The following ADGRB3 variants were observed in gnomAD, a reference collection of about 807,000 sequenced individuals.
ADGRB3 encodes the protein brain-specific angiogenesis inhibitor 3.
A neutral mutation model predicts 193.4 loss-of-function variants in ADGRB3; 37 were observed. The observed-to-expected ratio is 0.19, with a 90% confidence interval of 0.15 to 0.25. The LOEUF (loss-of-function observed/expected upper bound fraction) is 0.25. ADGRB3 is among the 10% of genes least tolerant of loss of function. The pLI, the probability that ADGRB3 is intolerant of heterozygous loss-of-function variation, is 1.00. For missense variants in ADGRB3, 1,637 were observed against 1,852.9 expected (o/e 0.88, Z 2.14); for synonymous variants, 690 against 644.2 (o/e 1.07, Z -1.08).
chr6:69,066,447 A>G lies in ADGRB3; in HGVS notation c.2436+3411A>G, dbSNP rs565029449. Among the ~76,000 whole-genome samples, 3 of 152,110 alleles carry G rather than the reference A, an allele frequency of 2.0e-5. No homozygotes were observed. In the South Asian group the frequency reaches 6.2e-4, roughly 32 times the overall value. On this transcript the variant is annotated intron_variant, in intron 16 of 31. Coordinates refer to ENST00000370598, the MANE Select transcript of ADGRB3 (RefSeq NM_001704.3). ...GAGTTAACAGGAAAAGCCTGTTAAC[A>G]TTTTCTTTTAAAAATGTGTCTCAGA...
chr6:69,169,397 C>T (rs1775215117), intron 17 of ADGRB3, among the ~76,000 whole-genome samples: 1 of 151,438 alleles, frequency 6.6e-6, no homozygotes, highest in South Asian at 2.1e-4. Context: ...TTAAATTTGT[C>T]TTACAGTGCT....
At chr6:69,038,693 C>T (rs1264601409) in intron 13 of ADGRB3, among the ~76,000 whole-genome samples, 2 of 152,164 alleles carry the variant, frequency 1.3e-5, no homozygotes, top group Admixed American at 6.5e-5. Flanking sequence ...AATCACCTTA[C>T]ATTTCCCCAT....
intron 8 of ADGRB3, among the ~76,000 whole-genome samples, chr6:68,972,179 G>A (rs1288066017): frequency 6.6e-6 from 1 of 152,140 alleles, no homozygotes; most frequent in African/African-American, 2.4e-5. Context: ...CCTACCTAGT[G>A]GCTGCCCCTA....
Position 69,046,647 on chromosome 6 carries a change from C to G in ADGRB3, c.2108-1538C>G, listed in dbSNP as rs139059007. Among the ~76,000 whole-genome samples, 23 of 152,144 alleles carry G rather than the reference C, an allele frequency of 1.5e-4. No homozygotes were observed. In the East Asian group the frequency reaches 2.9e-3, roughly 19 times the overall value. On this transcript the variant is annotated intron_variant, in intron 13 of 31. Transcript: ENST00000370598. ...TATTAGAGGATAAATGAAATACCATCCTATGCTGATAATGGAATGACTAAT... is the reference window on the plus strand; with the variant it reads ...TATTAGAGGATAAATGAAATACCATGCTATGCTGATAATGGAATGACTAAT...
At chr6:69,248,505 G>A (rs1766545982) in intron 20 of ADGRB3, among the ~76,000 whole-genome samples, 1 of 152,192 alleles carries the variant, frequency 6.6e-6, no homozygotes, top group Non-Finnish European at 1.5e-5. Flanking sequence ...ATTTGTCTCA[G>A]TACGACATTG....
intron 3 of ADGRB3, among the ~76,000 whole-genome samples, chr6:68,774,411 A>G (rs1766698894): frequency 1.3e-5 from 2 of 149,508 alleles, no homozygotes; most frequent in African/African-American, 4.9e-5. Flanking sequence ...TGAAATTCCT[A>G]AAGTTTTCAC....
chr6:69,169,068 T>G (rs1775204277), intron 17 of ADGRB3, among the ~76,000 whole-genome samples: 1 of 152,036 alleles, frequency 6.6e-6, no homozygotes, highest in African/African-American at 2.4e-5. Context: ...ATGAAACAGG[T>G]GGAAGTTTAT....
chr6:68,721,135 G>A (rs147167871), intron 3 of ADGRB3, among the ~76,000 whole-genome samples: 100 of 151,768 alleles, frequency 6.6e-4, no homozygotes, highest in African/African-American at 2.0e-3. Flanking sequence ...GGTATATACC[G>A]AAAGGAATAT....
intron 3 of ADGRB3, among the ~76,000 whole-genome samples, chr6:68,679,936 A>G (rs1561992488): frequency 1.3e-5 from 2 of 152,250 alleles, no homozygotes; most frequent in East Asian, 3.9e-4. Context: ...TGAAGTCCTA[A>G]TCCCAACGGA....
intron 3 of ADGRB3, among the ~76,000 whole-genome samples, chr6:68,735,534 A>G (rs1258376677): frequency 6.6e-6 from 1 of 152,110 alleles, no homozygotes; most frequent in Non-Finnish European, 1.5e-5. Flanking sequence ...TGTTGATTTA[A>G]GAATATAGTT....
At chr6:68,680,809 T>C (rs889271830) in intron 3 of ADGRB3, among the ~76,000 whole-genome samples, 2 of 152,188 alleles carry the variant, frequency 1.3e-5, no homozygotes, top group Non-Finnish European at 2.9e-5. Flanking sequence ...GAAATTAGAT[T>C]AGTTTTAGAG....
intron 17 of ADGRB3, among the ~76,000 whole-genome samples, chr6:69,220,226 A>G (rs747412348): frequency 2.6e-5 from 4 of 152,092 alleles, no homozygotes; most frequent in East Asian, 1.9e-4. Context: ...CTTGTCTCCA[A>G]TGAAGAGGTT....
chr6:69,062,395 T>C lies in ADGRB3; in HGVS notation c.2334-539T>C, dbSNP rs574513789. Among the ~76,000 whole-genome samples, 174 of 152,078 alleles carry C rather than the reference T, an allele frequency of 1.1e-3. 1 individual carries two copies. The highest frequency in any genetic ancestry group is 4.1e-3 in the African/African-American group (171 of 41,560). ...GAGATCAAGCAGTGGCCTGTCAATC[T>C]CTATTGTCGAAATAAATTATGGTCA... On this transcript the variant is annotated intron_variant, in intron 15 of 31. Transcript: ENST00000370598.
At chr6:68,946,956 G>A (rs1582337883) in intron 6 of ADGRB3, among the ~76,000 whole-genome samples, 1 of 152,054 alleles carries the variant, frequency 6.6e-6, no homozygotes, top group East Asian at 1.9e-4. Context: ...CTGAGTCAAT[G>A]CACAACTTCC....
intron 13 of ADGRB3, among the ~76,000 whole-genome samples, chr6:69,022,482 AT>A (rs1770297882): frequency 6.6e-6 from 1 of 151,850 alleles, no homozygotes; most frequent in African/African-American, 2.4e-5. Flanking sequence ...TCCTCTAAAC[AT>A]TTTTCCTTAA....
intron 3 of ADGRB3, among the ~76,000 whole-genome samples, chr6:68,793,039 T>A (rs527390672): frequency 6.6e-6 from 1 of 152,200 alleles, no homozygotes; most frequent in South Asian, 2.1e-4. Context: ...TTCTGGTACT[T>A]TTTTTTTCAT....
chr6:68,936,723 T>C (rs1390562209), intron 5 of ADGRB3, 43 bp downstream of exon 5: 1 of 1,581,432 alleles, frequency 6.3e-7, no homozygotes, highest in Non-Finnish European at 8.6e-7. Context: ...TATTGAATTG[T>C]GTCATGCTAC....
At chr6:69,030,770 GCAAAA>G (rs918119523) in intron 13 of ADGRB3, among the ~76,000 whole-genome samples, 2 of 151,982 alleles carry the variant, frequency 1.3e-5, no homozygotes, top group East Asian at 1.9e-4. Flanking sequence ...GTATAATAAA[GCAAAA>G]CAAAACAAAA....
chr6:68,883,807 C>T (rs968557607), intron 3 of ADGRB3, among the ~76,000 whole-genome samples: 2 of 151,788 alleles, frequency 1.3e-5, no homozygotes, highest in African/African-American at 4.9e-5. Flanking sequence ...CGGCTTCATT[C>T]TTGAAGTCGG....
Sources: gnomAD v4.1 joint callset for allele counts (sites outside exome capture counted in the v4.1 genomes callset) on GRCh38, gnomAD v4.1.1 for gene constraint, MANE v1.5 for transcripts, NCBI Gene and HGNC (gene_info 2026-07-23, HGNC 2026-07-21) for gene names.